Variants in SLC24A2 observed in about 807,000 individuals in gnomAD.
SLC24A2 encodes the protein solute carrier family 24 member 2.
In SLC24A2, 36 loss-of-function variants were observed where a neutral mutation model predicts 62.0. The ratio of observed to expected loss-of-function variants is 0.58; its 90% confidence interval spans 0.44 to 0.77. The LOEUF (loss-of-function observed/expected upper bound fraction) is 0.77. SLC24A2 is among the 30% of genes least tolerant of loss of function. The pLI, the probability that SLC24A2 is intolerant of heterozygous loss-of-function variation, is 0.00. For missense variants in SLC24A2, 846 were observed against 817.9 expected, an observed-to-expected ratio of 1.03 and a Z score of -0.42; for synonymous variants, 358 against 294.0, an observed-to-expected ratio of 1.22 and a Z score of -2.23.
chr9:19,847,942 G>A, the SLC24A2 span, among the ~76,000 whole-genome samples: 2 of 152,148 alleles, frequency 1.3e-5, no homozygotes, highest in African/African-American at 2.4e-5. Context: ...CTCGGATGGC[G>A]GCAGAGGTTC....
the SLC24A2 span, among the ~76,000 whole-genome samples, chr9:19,948,126 A>G: frequency 6.6e-6 from 1 of 152,352 alleles, no homozygotes; most frequent in South Asian, 2.1e-4. Context: ...CGGGACTCTT[A>G]AGCCCTTTCT....
chr9:20,271,118 C>T, the SLC24A2 span, among the ~76,000 whole-genome samples: 5 of 152,158 alleles, frequency 3.3e-5, no homozygotes, highest in Non-Finnish European at 5.9e-5. Context: ...GGAGTCCTTC[C>T]CATAAAGGGC....
At chr9:19,964,225 G>C in the SLC24A2 span, among the ~76,000 whole-genome samples, 5 of 114,470 alleles carry the variant, frequency 4.4e-5, no homozygotes, top group African/African-American at 1.0e-4. Context: ...GTTGTGGGGT[G>C]GGGGGAGGGG....
chr9:20,013,687 CA>C, the SLC24A2 span, among the ~76,000 whole-genome samples: 1 of 151,990 alleles, frequency 6.6e-6, no homozygotes, highest in African/African-American at 2.4e-5. Flanking sequence ...ATGTGTCTGA[CA>C]AAAGGTTAAT....
chr9:20,261,356 G>A, the SLC24A2 span, among the ~76,000 whole-genome samples: 1 of 152,182 alleles, frequency 6.6e-6, no homozygotes, highest in Non-Finnish European at 1.5e-5. Flanking sequence ...CTGACATCTA[G>A]TGAGGGCCTT....
At chr9:19,874,075 C>CT in the SLC24A2 span, among the ~76,000 whole-genome samples, 718 of 107,248 alleles carry the variant, frequency 6.7e-3, 11 homozygotes, top group South Asian at 9.5e-3. Flanking sequence ...CTTTTCTTTT[C>CT]TTTTTTTTTT....
the SLC24A2 span, among the ~76,000 whole-genome samples, chr9:19,943,174 A>T: frequency 2.0e-5 from 3 of 152,190 alleles, no homozygotes; most frequent in African/African-American, 7.2e-5. Flanking sequence ...TGTGCTACTC[A>T]GAGAATAATT....
At chr9:19,533,843 C>T (rs1217818450) in intron 8 of SLC24A2, among the ~76,000 whole-genome samples, 3 of 152,230 alleles carry the variant, frequency 2.0e-5, no homozygotes, top group Non-Finnish European at 4.4e-5. Flanking sequence ...AATCTTCTAA[C>T]TAAGCATGAT....
At chr9:19,826,854 T>C in the SLC24A2 span, among the ~76,000 whole-genome samples, 1 of 152,160 alleles carries the variant, frequency 6.6e-6, no homozygotes, top group African/African-American at 2.4e-5. Flanking sequence ...CAGGGCAGAT[T>C]GTGAAGCACC....
At chr9:19,815,792 A>C in the SLC24A2 span, among the ~76,000 whole-genome samples, 1 of 152,114 alleles carries the variant, frequency 6.6e-6, no homozygotes, top group African/African-American at 2.4e-5. Flanking sequence ...CTACTTCTGA[A>C]TATTTTACTT....
At chr9:20,280,803 G>A in the SLC24A2 span, among the ~76,000 whole-genome samples, 26 of 152,272 alleles carry the variant, frequency 1.7e-4, no homozygotes, top group African/African-American at 6.0e-4. Context: ...AATGGCAAAT[G>A]TCCTTATAAG....
chr9:19,633,046 A>G (rs1366254440), intron 2 of SLC24A2, among the ~76,000 whole-genome samples: 4 of 152,218 alleles, frequency 2.6e-5, no homozygotes, highest in Non-Finnish European at 5.9e-5. Context: ...ATGTTATATA[A>G]ATGGAATAAT....
chr9:20,306,197 C>A, the SLC24A2 span, among the ~76,000 whole-genome samples: 1 of 152,180 alleles, frequency 6.6e-6, no homozygotes, highest in African/African-American at 2.4e-5. Flanking sequence ...GGAAGCTACC[C>A]CATGTTGTGT....
chr9:19,601,294 G>C (rs1836833635), intron 4 of SLC24A2, among the ~76,000 whole-genome samples: 1 of 152,176 alleles, frequency 6.6e-6, no homozygotes, highest in Non-Finnish European at 1.5e-5. Context: ...CCAATTGCAG[G>C]GAGGATTGAA....
chr9:19,798,867 T>A, the SLC24A2 span, among the ~76,000 whole-genome samples: 1 of 152,306 alleles, frequency 6.6e-6, no homozygotes, highest in East Asian at 1.9e-4. Context: ...AAACTTTACT[T>A]TATTTCTGGT....
At chr9:20,203,464 G>A in the SLC24A2 span, among the ~76,000 whole-genome samples, 9 of 152,138 alleles carry the variant, frequency 5.9e-5, no homozygotes, top group East Asian at 1.9e-4. Flanking sequence ...CAGGCAAGCC[G>A]CTTAAGCTCT....
chr9:20,008,628 C>T, the SLC24A2 span, among the ~76,000 whole-genome samples: 1 of 152,108 alleles, frequency 6.6e-6, no homozygotes, highest in Non-Finnish European at 1.5e-5. Flanking sequence ...AGAGTGTGCT[C>T]CCATCTTCTT....
chr9:19,817,881 A>G, the SLC24A2 span, among the ~76,000 whole-genome samples: 1 of 151,942 alleles, frequency 6.6e-6, no homozygotes, highest in Admixed American at 6.6e-5. Flanking sequence ...CTACAGGTAC[A>G]CCCTACTACA....
chr9:19,918,792 A>T, the SLC24A2 span, among the ~76,000 whole-genome samples: 1 of 152,190 alleles, frequency 6.6e-6, no homozygotes, highest in Non-Finnish European at 1.5e-5. Context: ...GACCAGCCAG[A>T]TGCTGCCTTG....
Sources: gnomAD v4.1 joint callset for allele counts (sites outside exome capture counted in the v4.1 genomes callset) on GRCh38, gnomAD v4.1.1 for gene constraint, MANE v1.5 for transcripts, NCBI Gene and HGNC (gene_info 2026-07-23, HGNC 2026-07-21) for gene names.